OCA2: variants seen among roughly 807,000 people sequenced by gnomAD.
OCA2 encodes the protein P protein.
OCA2 carries 77 observed loss-of-function variants against 100.2 expected under a neutral mutation model. The observed-to-expected ratio is 0.77, with a 90% CI of 0.64 to 0.93. The LOEUF (loss-of-function observed/expected upper bound fraction) is 0.93, where lower values mean the gene tolerates loss of function less well. Ranked by LOEUF, OCA2 falls within the 40% of genes least tolerant of loss-of-function variation. The probability of loss-of-function intolerance (pLI) is 0.00; values close to 1 mark genes in which losing one functional copy is unlikely to be tolerated. For missense variants in OCA2, 1,062 were observed against 1,089.1 expected, an observed-to-expected ratio of 0.98 and a Z score of 0.35; for synonymous variants, 432 against 439.2, an observed-to-expected ratio of 0.98 and a Z score of 0.21.
At chr15:27,760,341 A>G (rs771158715) in intron 23 of OCA2, among the ~76,000 whole-genome samples, 56 of 152,056 alleles carry the variant, frequency 3.7e-4, no homozygotes, top group Non-Finnish European at 6.6e-4. Context: ...ATAGCACTAA[A>G]TGTTTGTATT....
rs552331795 is a variant in OCA2 at position 27,842,008 on chromosome 15, G to C, written c.2432+2951C>G. 2.6e-5 allele frequency among the ~76,000 whole-genome samples: 4 copies of C among 152,310 alleles called. No individual in the cohort carries two copies. The South Asian group carries it at 8.3e-4, about 32-fold the overall frequency. ...TCATTTAACCAGCGGTTCTATGTCA[G>C]AAAATTTATCTTCAATTATCAGAAA... On this transcript the variant is annotated intron_variant, in intron 23 of 23. Coordinates refer to ENST00000354638, the MANE Select transcript of OCA2 (RefSeq NM_000275.3).
intron 23 of OCA2, among the ~76,000 whole-genome samples, chr15:27,757,861 A>G (rs985559242): frequency 4.2e-4 from 64 of 152,196 alleles, no homozygotes; most frequent in African/African-American, 1.5e-3. Context: ...GCCCAAAATC[A>G]CAGAGTAAGC....
In OCA2 at chr15:27,951,417, C is replaced by T. The variant is rs1462759793; in HGVS notation, c.1951+367G>A. ...GCATGGTAGGCGGCACAGATGGCAG[C>T]GCTGGCCTTGCCCATGTGGCTCCAT... On this transcript the variant is annotated intron_variant, in intron 18 of 23. Transcript: ENST00000354638. 5.9e-5 allele frequency among the ~76,000 whole-genome samples: 9 copies of T among 152,362 alleles called. 1 individual carries two copies. The highest frequency in any genetic ancestry group is 1.9e-4 in the East Asian group (1 of 5,182).
At chr15:28,074,003 GACACAC>G (rs10534274) in intron 2 of OCA2, among the ~76,000 whole-genome samples, 20 of 146,334 alleles carry the variant, frequency 1.4e-4, no homozygotes, top group African/African-American at 2.7e-4. Flanking sequence ...ATGACAGACA[GACACAC>G]ACACACACAC....
At chr15:27,807,374 T>C (rs1366611360) in intron 23 of OCA2, among the ~76,000 whole-genome samples, 1 of 152,172 alleles carries the variant, frequency 6.6e-6, no homozygotes, top group African/African-American at 2.4e-5. Context: ...GGTGCTGTGG[T>C]GCTGTGACCA....
chr15:28,077,344 C>A (rs2044465481), intron 2 of OCA2, among the ~76,000 whole-genome samples: 2 of 152,170 alleles, frequency 1.3e-5, no homozygotes, highest in African/African-American at 4.8e-5. Flanking sequence ...CAGGCATGAG[C>A]CACCGCACCC....
At chr15:27,990,513 G>C in intron 10 of OCA2, 63 bp downstream of exon 10, 1 of 1,506,786 alleles carries the variant, frequency 6.6e-7, no homozygotes, top group Non-Finnish European at 9.2e-7. Context: ...CTGAATCCTG[G>C]AACATCTTTG....
chr15:27,941,472 G>A lies in OCA2; in HGVS notation c.1951+10312C>T, dbSNP rs2039643439. Among the ~76,000 whole-genome samples the A allele has an allele frequency of 2.0e-5, 3 of 152,182 alleles. No homozygotes were observed. In the South Asian group the frequency reaches 6.2e-4, roughly 32 times the overall value. On this transcript the variant is annotated intron_variant, in intron 18 of 23. Transcript: ENST00000354638. ...AGCCATTTGGAATGAAAAATGAAGT[G>A]AGAAACAGTCATTAAATGGATTTGC...
chr15:27,961,754 C>T (rs1255414559), intron 15 of OCA2, among the ~76,000 whole-genome samples: 7 of 151,910 alleles, frequency 4.6e-5, no homozygotes, highest in Non-Finnish European at 1.0e-4. Flanking sequence ...ACAATGAGAA[C>T]ACATGGACAC....
intron 23 of OCA2, among the ~76,000 whole-genome samples, chr15:27,771,701 T>C (rs146260916): frequency 6.6e-6 from 1 of 152,382 alleles, no homozygotes; most frequent in African/African-American, 2.4e-5. Flanking sequence ...CTGTATTTTT[T>C]TTATCAGCAT....
intron 1 of OCA2, among the ~76,000 whole-genome samples, chr15:28,097,898 G>A (rs1436846335): frequency 6.6e-6 from 1 of 152,174 alleles, no homozygotes; most frequent in Non-Finnish European, 1.5e-5. Flanking sequence ...CCCAGCCACA[G>A]TGATCTTTCC....
At chr15:28,045,239 C>T (rs992398704) in intron 2 of OCA2, among the ~76,000 whole-genome samples, 2 of 152,130 alleles carry the variant, frequency 1.3e-5, no homozygotes, top group African/African-American at 2.4e-5. Flanking sequence ...ACATCTTTAA[C>T]TTCCCACAGT....
chr15:28,024,804 CA>C (rs1290475313), intron 5 of OCA2, 40 bp downstream of exon 5: 1 of 1,610,552 alleles, frequency 6.2e-7, no homozygotes, highest in Admixed American at 1.7e-5. Flanking sequence ...ACAGGGCTTC[CA>C]CGGACCCAAC....
At chr15:27,818,504 A>G (rs79649658) in intron 23 of OCA2, among the ~76,000 whole-genome samples, 12,339 of 152,306 alleles carry the variant, frequency 0.081, 701 homozygotes, top group Middle Eastern at 0.17. Flanking sequence ...GATGAATGCC[A>G]CAAAAGAGTT....
chr15:28,066,627 T>G (rs570721459), intron 2 of OCA2, among the ~76,000 whole-genome samples: 338 of 152,286 alleles, frequency 2.2e-3, no homozygotes, highest in African/African-American at 7.7e-3. Context: ...AAAATATATT[T>G]CTTTGACACA....
At chr15:27,943,314 T>C (rs1383009570) in intron 18 of OCA2, among the ~76,000 whole-genome samples, 1 of 152,144 alleles carries the variant, frequency 6.6e-6, no homozygotes, top group Admixed American at 6.5e-5. Flanking sequence ...ACCGATAGAA[T>C]AGATGTAGCA....
At chr15:27,932,387 T>C (rs537768745) in intron 18 of OCA2, among the ~76,000 whole-genome samples, 4 of 151,770 alleles carry the variant, frequency 2.6e-5, no homozygotes, top group Non-Finnish European at 5.9e-5. Flanking sequence ...GACAAGCATG[T>C]AATGCGCCAC....
intron 15 of OCA2, among the ~76,000 whole-genome samples, chr15:27,961,447 G>C (rs540509900): frequency 3.5e-4 from 53 of 152,146 alleles, no homozygotes; most frequent in Non-Finnish European, 5.0e-4. Context: ...TCCCATTACT[G>C]GGTATATAAC....
At chr15:27,762,381 A>T (rs1158243669) in intron 23 of OCA2, among the ~76,000 whole-genome samples, 1 of 152,216 alleles carries the variant, frequency 6.6e-6, no homozygotes, top group Non-Finnish European at 1.5e-5. Flanking sequence ...AAGGAGCCAT[A>T]CCTGCTGACT....
Sources: allele counts gnomAD v4.1 joint callset (sites outside exome capture counted in the v4.1 genomes callset), GRCh38; gene constraint gnomAD v4.1.1; transcripts MANE v1.5; gene names NCBI Gene and HGNC (gene_info 2026-07-23, HGNC 2026-07-21).